The following PCDHA5 variants were observed in gnomAD, a reference collection of about 807,000 sequenced individuals.
PCDHA5 encodes the protein protocadherin alpha-5.
PCDHA5 carries 43 observed loss-of-function variants against 61.6 expected under a neutral mutation model. The observed-to-expected ratio is 0.70, with a 90% CI of 0.55 to 0.90. The LOEUF (loss-of-function observed/expected upper bound fraction) is 0.90, where lower values mean the gene tolerates loss of function less well. Among genes scored for constraint, PCDHA5 ranks in the 40% least tolerant of loss-of-function variants. PCDHA5 has a pLI of 0.00. For synonymous variants in PCDHA5, 627 were observed against 543.9 expected (o/e 1.15, Z -2.13); for missense variants, 1,298 against 1,222.7 (o/e 1.06, Z -0.92).
chr5:140,922,784 C>G (rs1399042980), intron 1 of PCDHA5, among the ~76,000 whole-genome samples: 1 of 152,140 alleles, frequency 6.6e-6, no homozygotes, highest in Non-Finnish European at 1.5e-5. Context: ...GGAGAGAAAA[C>G]TGTAGCTTTG....
At chr5:140,923,181 A>T (rs2081206798) in intron 1 of PCDHA5, among the ~76,000 whole-genome samples, 1 of 152,158 alleles carries the variant, frequency 6.6e-6, no homozygotes, top group Non-Finnish European at 1.5e-5. Flanking sequence ...GTTCAGATGC[A>T]TCTACTGCAG....
At position 141,009,772 on chromosome 5, in the gene PCDHA5, C is replaced by G. The variant is rs782009776; in HGVS notation, c.2646C>G (p.Ile882Met). Residue 882 changes from isoleucine (I) to methionine (M), a missense_variant, in exon 4 of 4, where the codon ATC becomes ATG. By Grantham distance (10) the Ile-to-Met change is conservative (BLOSUM62 1). Transcript: ENST00000529859. ...TCATTATCCCAGGATCTCCTGCAAT[C>G]ATCTCCATCCGGCAGGAGCCTACTA... ...DKFIIPGSPA[I>M]ISIRQEPTNS... 4 of 1,614,158 alleles carry G rather than the reference C, an allele frequency of 2.5e-6. No individual in the cohort carries two copies. The East Asian group carries it at 8.9e-5, about 36-fold the overall frequency.
intron 1 of PCDHA5, chr5:140,857,918 G>A: frequency 3.1e-6 from 5 of 1,597,824 alleles, no homozygotes; most frequent in Non-Finnish European, 4.3e-6. Context: ...GTTTCGCGTG[G>A]GGCTGTACAC....
Position 141,009,608 on chromosome 5 carries a change from G to A in PCDHA5, c.2501-19G>A, listed in dbSNP as rs1350951999. ...CATGTGTTGACCCTGTTAATGATTTGTAATGTTTTGTCTTTCAGAACCAGA... is the reference window on the plus strand; with the variant it reads ...CATGTGTTGACCCTGTTAATGATTTATAATGTTTTGTCTTTCAGAACCAGA... On this transcript the variant is annotated intron_variant, in intron 3 of 3. Coordinates refer to ENST00000529859, the MANE Select transcript of PCDHA5 (RefSeq NM_018908.3). The A allele has an allele frequency of 2.5e-6, 4 of 1,610,656 alleles. No individual in the cohort carries two copies. The highest frequency in any genetic ancestry group is 3.4e-6 in the Non-Finnish European group (4 of 1,177,936).
intron 1 of PCDHA5, among the ~76,000 whole-genome samples, chr5:140,840,345 T>C (rs2150306031): frequency 3.9e-5 from 6 of 151,972 alleles, no homozygotes; most frequent in Non-Finnish European, 7.4e-5. Flanking sequence ...TGTTAGGGTA[T>C]ACAGGTAAAA....
chr5:140,966,613 A>T, intron 1 of PCDHA5: 1 of 756,596 alleles, frequency 1.3e-6, no homozygotes, highest in Non-Finnish European at 1.9e-6. Flanking sequence ...GGGAGGGCCT[A>T]CGGAGGGAGC....
chr5:140,998,809 C>T (rs782698811), intron 3 of PCDHA5, among the ~76,000 whole-genome samples: 14 of 152,212 alleles, frequency 9.2e-5, no homozygotes, highest in Non-Finnish European at 1.9e-4. Context: ...GGTGATCTGC[C>T]TGCCTTGGCC....
In PCDHA5 at chr5:140,978,986, C is replaced by T. The variant is rs138901709; in HGVS notation, c.2390C>T (p.Ser797Phe). The change falls in exon 2 of 4, where the codon TCC (serine) becomes TTC (phenylalanine). Residue 797 changes from serine (S) to phenylalanine (F), a missense_variant. Physicochemically the swap from Ser to Phe is radical, Grantham distance 155. Transcript: ENST00000529859. ...AACCCTGACTGGCGTTACTCTGCCT[C>T]CCTGAGAGCAGGCATGCACAGGTAT... Reference protein sequence around the residue: ...QPNPDWRYSASLRAGMHSSVH... With the variant: ...QPNPDWRYSAFLRAGMHSSVH... 56 of 1,614,072 alleles carry T rather than the reference C, an allele frequency of 3.5e-5. No individual in the cohort carries two copies. The highest frequency in any genetic ancestry group is 4.5e-5 in the Non-Finnish European group (53 of 1,180,028).
Position 140,822,687 on chromosome 5 carries a change from CG to C in PCDHA5, c.916del (p.Glu306AsnfsTer30). 1 of 1,608,794 alleles carries C rather than the reference CG, an allele frequency of 6.2e-7. No homozygotes were observed. Among genetic ancestry groups the C allele is most frequent in the Non-Finnish European group, 8.5e-7 (1 of 1,175,938 alleles). ...CTAATACTGGTGAAATAAAAGTTAACGGGGAACTGGATTATGAAGACTATAA... is the reference window on the plus strand; with the variant it reads ...CTAATACTGGTGAAATAAAAGTTAACGGGAACTGGATTATGAAGACTATAA... ...NSNTGEIKVN[G>X]ELDYEDYNSY... On this transcript the variant is annotated frameshift_variant, in exon 1 of 4. Coordinates refer to ENST00000529859, the MANE Select transcript of PCDHA5 (RefSeq NM_018908.3). LOFTEE classifies it high-confidence loss of function.
intron 2 of PCDHA5, among the ~76,000 whole-genome samples, chr5:140,981,118 G>A (rs1205022984): frequency 6.6e-6 from 1 of 152,196 alleles, no homozygotes; most frequent in Admixed American, 6.5e-5. Flanking sequence ...TACTGGATAT[G>A]TTGTTTGAAG....
At chr5:140,846,654 A>T (rs941473250) in intron 1 of PCDHA5, among the ~76,000 whole-genome samples, 1 of 149,238 alleles carries the variant, frequency 6.7e-6, no homozygotes, top group African/African-American at 2.5e-5. Flanking sequence ...GATTACAGGC[A>T]TGAGCCACCG....
At chr5:140,852,213 T>C (rs1221806389) in intron 1 of PCDHA5, 1 of 646,494 alleles carries the variant, frequency 1.5e-6, no homozygotes, top group Non-Finnish European at 2.0e-6. Flanking sequence ...TAAAACAAAA[T>C]ATTTTAATTT....
intron 1 of PCDHA5, among the ~76,000 whole-genome samples, chr5:140,904,934 G>A (rs1181903303): frequency 6.6e-6 from 1 of 152,110 alleles, no homozygotes; most frequent in Non-Finnish European, 1.5e-5. Context: ...GTAGGTTCTG[G>A]ATATTAGTCC....
intron 1 of PCDHA5, among the ~76,000 whole-genome samples, chr5:140,826,728 T>C (rs1438551035): frequency 6.6e-6 from 1 of 152,160 alleles, no homozygotes; most frequent in Non-Finnish European, 1.5e-5. Flanking sequence ...GAAGAGCAAG[T>C]GGTCTATATT....
At chr5:140,836,324 T>A (rs1774378159) in intron 1 of PCDHA5, 3 of 1,613,578 alleles carry the variant, frequency 1.9e-6, no homozygotes, top group Non-Finnish European at 2.5e-6. Context: ...GCCACCGCCT[T>A]CTGGTGCTTG....
At chr5:140,900,290 G>GT (rs1292990700) in intron 1 of PCDHA5, among the ~76,000 whole-genome samples, 2 of 151,548 alleles carry the variant, frequency 1.3e-5, no homozygotes, top group Non-Finnish European at 2.9e-5. Context: ...TTTCTTTTCT[G>GT]TTTTTTTAGA....
At chr5:140,995,235 A>G (rs1313042272) in intron 3 of PCDHA5, among the ~76,000 whole-genome samples, 1 of 152,188 alleles carries the variant, frequency 6.6e-6, no homozygotes, top group Non-Finnish European at 1.5e-5. Flanking sequence ...TGGGGCCAGT[A>G]TTAAGTAAAA....
intron 1 of PCDHA5, chr5:140,878,024 G>A (rs2057444305): frequency 7.9e-6 from 6 of 757,742 alleles, no homozygotes; most frequent in South Asian, 2.8e-5. Context: ...AAGGAAATAT[G>A]TAGGTACAAT....
At chr5:140,966,695 CGGGCGTGGGGCACGGCT>C (rs2096039584) in intron 1 of PCDHA5, 1 of 1,358,374 alleles carries the variant, frequency 7.4e-7, no homozygotes. Flanking sequence ...AGGCGGGGCC[CGGGCGTGGGGCACGGCT>C]GGGGAAGCTG....
Sources: gnomAD v4.1 joint callset for allele counts (sites outside exome capture counted in the v4.1 genomes callset) on GRCh38, gnomAD v4.1.1 for gene constraint, MANE v1.5 for transcripts, NCBI Gene and HGNC (gene_info 2026-07-23, HGNC 2026-07-21) for gene names.